The following MEI1 variants were observed in gnomAD, a reference collection of about 807,000 sequenced individuals.
MEI1 encodes meiotic double-stranded break formation protein 1, also known as meiosis inhibitor protein 1.
Under a neutral mutation model 146.2 loss-of-function variants are expected in MEI1, and 103 were observed. The observed-to-expected ratio is 0.70, with a 90% CI of 0.60 to 0.83. The LOEUF is 0.83. Among genes scored for constraint, MEI1 ranks in the 40% least tolerant of loss-of-function variants. The pLI is 0.00. For synonymous variants in MEI1, 652 were observed against 628.2 expected (o/e 1.04, Z -0.57); for missense variants, 1,529 against 1,533.0 (o/e 1.00, Z 0.04).
intron 24 of MEI1, among the ~76,000 whole-genome samples, chr22:41,783,761 G>A (rs536970245): frequency 5.3e-5 from 8 of 152,262 alleles, no homozygotes; most frequent in Non-Finnish European, 7.4e-5. Context: ...GCTCACTGCA[G>A]CCTTGGCCTC....
chr22:41,699,593 G>C lies in MEI1; in HGVS notation c.55G>C (p.Glu19Gln). 1.2e-6 allele frequency: 2 copies of C among 1,612,780 alleles called. No individual in the cohort carries two copies. Among genetic ancestry groups the C allele is most frequent in the South Asian group, 2.2e-5 (2 of 91,022 alleles). Reference sequence around the variant, plus strand: ...CACTCCCGGGCCCAGGAGAGAGGAAGAGGCGGCGCTTCTATTCGAGAGGGC... The same window carrying C: ...CACTCCCGGGCCCAGGAGAGAGGAACAGGCGGCGCTTCTATTCGAGAGGGC... The part of the protein sequence containing the change: ...AGTPGPRREE[E>Q]AALLFERAHY... The change falls in exon 1 of 31, where the codon GAG (glutamate) becomes CAG (glutamine). Residue 19 changes from glutamate (E) to glutamine (Q), a missense_variant. Around this residue, in one of 3 missense-constraint regions of MEI1, gnomAD observed 1,212 missense variants for 1,178.9 expected, o/e 1.03. Transcript: ENST00000401548.
Position 41,699,904 on chromosome 22 carries a change from C to T in MEI1, c.174+192C>T, listed in dbSNP as rs1392506881. ...CCTCTCGGGCCCCTCAGCCCCAGGC[C>T]GGCCTGCGGGCCTCCGTGGAGCCCG... On this transcript the variant is annotated intron_variant, in intron 1 of 30. Transcript: ENST00000401548. Among the ~76,000 whole-genome samples, 5 of 152,346 alleles carry T rather than the reference C, an allele frequency of 3.3e-5. No individual in the cohort carries two copies. In the East Asian group the frequency reaches 7.7e-4, roughly 23 times the overall value.
rs2073947044 is a variant in MEI1 at position 41,754,127 on chromosome 22, G to T, written c.1951+81G>T. On this transcript the variant is annotated intron_variant, in intron 17 of 30. Transcript: ENST00000401548. ...GTGCCTTGCTGATTGACTAGATAGTGAGTTAGTACAGCCACGAGATTTCTT... is the reference window on the plus strand; with the variant it reads ...GTGCCTTGCTGATTGACTAGATAGTTAGTTAGTACAGCCACGAGATTTCTT... The T allele has an allele frequency of 3.9e-6, 4 of 1,018,442 alleles. No homozygotes were observed. The African/African-American group carries it at 4.7e-5, about 12-fold the overall frequency. The allele number at this position is 1,018,442 out of a possible 1,614,324, so 63.1% of individuals were successfully genotyped here.
intron 20 of MEI1, among the ~76,000 whole-genome samples, chr22:41,773,517 T>G (rs1443757746): frequency 7.0e-6 from 1 of 142,338 alleles, no homozygotes; most frequent in Non-Finnish European, 1.5e-5. Context: ...GAGCCCAAAG[T>G]GAGTAAGTTT....
chr22:41,720,757 C>T (rs959736568), intron 6 of MEI1, among the ~76,000 whole-genome samples: 4 of 151,364 alleles, frequency 2.6e-5, no homozygotes, highest in Admixed American at 6.6e-5. Flanking sequence ...CCACCATGCC[C>T]GGCTAATTTA....
rs781083509 is a variant in MEI1 at position 41,723,929 on chromosome 22, C to T, written c.734-14C>T. The T allele has an allele frequency of 6.3e-7, 1 of 1,583,572 alleles. No homozygotes were observed. On this transcript the variant is annotated splice_polypyrimidine_tract_variant and intron_variant, in intron 6 of 30. Transcript: ENST00000401548. Reference sequence around the variant, plus strand: ...GTTCCTCTTGCCTTACTTCCCAATCCCTTTGTTTCCTAGGTTTGCTGAGGC... The same window carrying T: ...GTTCCTCTTGCCTTACTTCCCAATCTCTTTGTTTCCTAGGTTTGCTGAGGC...
intron 14 of MEI1, 63 bp downstream of exon 14, chr22:41,746,089 C>T (rs2073264038): frequency 6.7e-7 from 1 of 1,482,992 alleles, no homozygotes; most frequent in African/African-American, 1.4e-5. Flanking sequence ...GCAGGCGAGC[C>T]AGGCTCAGAG....
In MEI1 at chr22:41,785,914, TA is replaced by T. The variant is rs1189477362; in HGVS notation, c.3345+1132del. Among the ~76,000 whole-genome samples the T allele has an allele frequency of 8.6e-4, 112 of 130,030 alleles. 1 individual carries two copies. Among genetic ancestry groups the T allele is most frequent in the South Asian group, 5.5e-3 (23 of 4,182 alleles). 85.3% of individuals were successfully genotyped at this position (130,030 alleles called of 152,430 possible). On this transcript the variant is annotated intron_variant, in intron 26 of 30. Transcript: ENST00000401548. ...TTTTTTATTTTTTTATTTTTTATTTTATTTTTTTTTTTTTGAGACGGAGTCT... is the reference window on the plus strand; with the variant it reads ...TTTTTTATTTTTTTATTTTTTATTTTTTTTTTTTTTTTTGAGACGGAGTCT...
chr22:41,721,374 AG>A (rs2070781780), intron 6 of MEI1, among the ~76,000 whole-genome samples: 1 of 148,352 alleles, frequency 6.7e-6, no homozygotes. Flanking sequence ...CCTCCTGAGT[AG>A]CTGGGACTAC....
chr22:41,794,687 A>G (rs1031276495), intron 28 of MEI1, among the ~76,000 whole-genome samples: 1 of 152,042 alleles, frequency 6.6e-6, no homozygotes, highest in Non-Finnish European at 1.5e-5. Flanking sequence ...CCTTTCCCCT[A>G]TTTCTCTCAT....
chr22:41,716,985 G>A (rs1302417509), intron 5 of MEI1, among the ~76,000 whole-genome samples: 5 of 151,810 alleles, frequency 3.3e-5, no homozygotes, highest in East Asian at 1.9e-4. Flanking sequence ...CACCACGCCC[G>A]GCTCCATTCA....
chr22:41,776,344 T>G (rs1291097331), intron 21 of MEI1, 77 bp downstream of exon 21: 2 of 1,497,862 alleles, frequency 1.3e-6, no homozygotes, highest in African/African-American at 2.8e-5. Flanking sequence ...TTGTTAGGTC[T>G]GCTCCAGGAG....
intron 30 of MEI1, among the ~76,000 whole-genome samples, chr22:41,796,364 T>C (rs2148271107): frequency 6.6e-6 from 1 of 151,162 alleles, no homozygotes; most frequent in Non-Finnish European, 1.5e-5. Flanking sequence ...TTTTTTTTTT[T>C]TTTCTATTTT....
chr22:41,740,764 A>C (rs17002645), intron 11 of MEI1, among the ~76,000 whole-genome samples: 8,096 of 151,910 alleles, frequency 0.053, 679 homozygotes, highest in African/African-American at 0.19. Context: ...AAACCCAAGA[A>C]TTTAAAGGTG....
intron 26 of MEI1, among the ~76,000 whole-genome samples, chr22:41,791,241 C>A (rs2076172659): frequency 6.6e-6 from 1 of 152,136 alleles, no homozygotes; most frequent in Non-Finnish European, 1.5e-5. Context: ...AATCCTAGCA[C>A]TCAGGGAGGC....
chr22:41,723,594 CCTG>C (rs1037789300), intron 6 of MEI1, among the ~76,000 whole-genome samples: 5 of 152,080 alleles, frequency 3.3e-5, no homozygotes, highest in African/African-American at 1.2e-4. Context: ...TTTTTGAGTT[CCTG>C]CTATGTGTCA....
chr22:41,699,845 C>G, intron 1 of MEI1, 133 bp downstream of exon 1: 2 of 1,158,138 alleles, frequency 1.7e-6, no homozygotes, highest in South Asian at 1.7e-5. Flanking sequence ...TCACTCTCCT[C>G]CCTGTCAGCC....
At chr22:41,726,991 T>A (rs1601771768) in intron 7 of MEI1, among the ~76,000 whole-genome samples, 1 of 152,244 alleles carries the variant, frequency 6.6e-6, no homozygotes, top group East Asian at 1.9e-4. Context: ...GCCAGCATGG[T>A]CTCGATCTCC....
At chr22:41,787,181 T>A (rs2076020682) in intron 26 of MEI1, among the ~76,000 whole-genome samples, 1 of 152,204 alleles carries the variant, frequency 6.6e-6, no homozygotes, top group African/African-American at 2.4e-5. Flanking sequence ...CCCTTGTGGG[T>A]TTAAAGCTAA....
Sources: allele counts gnomAD v4.1 joint callset (sites outside exome capture counted in the v4.1 genomes callset), GRCh38; gene constraint gnomAD v4.1.1; regional missense constraint gnomAD v4.1.1; transcripts MANE v1.5; gene names NCBI Gene and HGNC (gene_info 2026-07-23, HGNC 2026-07-21).